SCUBE1: variants seen among roughly 807,000 people sequenced by gnomAD.
SCUBE1 encodes signal peptide, CUB domain and EGF like domain containing 1.
Under a neutral mutation model 124.4 loss-of-function variants are expected in SCUBE1, and 59 were observed. That is an observed-to-expected ratio of 0.47 (90% CI 0.38 to 0.59). The LOEUF is 0.59. Ranked by LOEUF, SCUBE1 falls within the 20% of genes least tolerant of loss-of-function variation. The pLI is 0.00. For missense variants in SCUBE1, 1,150 were observed against 1,371.2 expected, an observed-to-expected ratio of 0.84 and a Z score of 2.55; for synonymous variants, 545 against 550.9, an observed-to-expected ratio of 0.99 and a Z score of 0.15.
At position 43,238,915 on chromosome 22, in the gene SCUBE1, C is replaced by A. The variant is rs1220783353; in HGVS notation, c.767G>T (p.Cys256Phe). The change falls in exon 7 of 22, where the codon TGC becomes TTC. Residue 256 changes from cysteine to phenylalanine, a missense_variant. Cys to Phe is a radical substitution (Grantham distance 205). Coordinates refer to ENST00000360835, the MANE Select transcript of SCUBE1 (RefSeq NM_173050.5). ...TCGCACGCCAGTGGCTGTGTCCTTG[C>A]ATGTCCGGTCGCAGCCTCCGTTATT... ...AVNNGGCDRT[C>F]KDTATGVRCS... The A allele has an allele frequency of 1.9e-6, 3 of 1,613,010 alleles. No homozygotes were observed. The highest frequency in any genetic ancestry group is 2.5e-6 in the Non-Finnish European group (3 of 1,179,990).
chr22:43,210,175 C>T lies in SCUBE1; in HGVS notation c.2449G>A (p.Asp817Asn), dbSNP rs144373347. Residue 817 changes from aspartate to asparagine, a missense_variant, in exon 19 of 22, where the codon GAC becomes AAC. Asp to Asn is a conservative substitution (Grantham distance 23). Transcript: ENST00000360835. The surrounding 1 kb of genome is among the most constrained non-coding windows in gnomAD (Gnocchi z 4.5). ...ACGCATTCAGCGTTGGCTGGGTAGT[C>T]GCCAGGGTAGTTGGGGGACTCGATG... ...GYIESPNYPG[D>N]YPANAECVWH... The T allele has an allele frequency of 4.6e-3, 7,346 of 1,605,418 alleles. 30 individuals are homozygous for T. Among genetic ancestry groups the T allele is most frequent in the Non-Finnish European group, 5.5e-3 (6,517 of 1,175,958 alleles).
At chr22:43,242,748 C>T (rs1569505154) in intron 6 of SCUBE1, among the ~76,000 whole-genome samples, 1 of 152,190 alleles carries the variant, frequency 6.6e-6, no homozygotes, top group Non-Finnish European at 1.5e-5. Context: ...GTCTCTCTGT[C>T]CCCAGCCTGT....
At chr22:43,276,308 G>A (rs925075533) in intron 4 of SCUBE1, among the ~76,000 whole-genome samples, 1 of 152,208 alleles carries the variant, frequency 6.6e-6, no homozygotes, top group African/African-American at 2.4e-5. Context: ...TGAGGCAGAG[G>A]AGGAGCCAGG....
Position 43,198,249 on chromosome 22 carries a change from G to C in SCUBE1, c.*5748C>G. On this transcript the variant is annotated 3_prime_UTR_variant, in exon 22 of 22. Transcript: ENST00000360835. ...TTTCCCTTCTTCCTGTTGGGGCTTG[G>C]GGGGTGCAGACAATTCCAGGGGGCT... 3.4e-6 allele frequency: 1 copy of C among 295,978 alleles called. No homozygotes were observed. 18.3% of individuals were successfully genotyped at this position (295,978 alleles called of 1,614,324 possible). A position where few individuals can be genotyped will look rare whatever the true frequency, so the allele number is the denominator to read the frequency against.
rs1330244701 is a variant in SCUBE1 at position 43,211,523 on chromosome 22, T to C, written c.2222-440A>G. ...GGGGGGCTAGAGATGGGCAATTCTT[T>C]TTTTTTTTTTTTGAGATGGAGCTCG... On this transcript the variant is annotated intron_variant, in intron 17 of 21. Coordinates refer to ENST00000360835, the MANE Select transcript of SCUBE1 (RefSeq NM_173050.5). The surrounding 1 kb of genome is among the most constrained non-coding windows in gnomAD (Gnocchi z 4.5). 3.3e-5 allele frequency among the ~76,000 whole-genome samples: 5 copies of C among 149,658 alleles called. No individual in the cohort carries two copies. Among genetic ancestry groups the C allele is most frequent in the East Asian group, 3.9e-4 (2 of 5,146 alleles).
At position 43,261,976 on chromosome 22, in the gene SCUBE1, T is replaced by C. The variant is rs5759234; in HGVS notation, c.610+744A>G. On this transcript the variant is annotated intron_variant, in intron 5 of 21. Coordinates refer to ENST00000360835, the MANE Select transcript of SCUBE1 (RefSeq NM_173050.5). Reference sequence around the variant, plus strand: ...TCAGCCATCGTTCTACTTGGTTTCCTGGCTCCTACTCCTACTGGGGAATGG... The same window carrying C: ...TCAGCCATCGTTCTACTTGGTTTCCCGGCTCCTACTCCTACTGGGGAATGG... 0.027 allele frequency among the ~76,000 whole-genome samples: 4,079 copies of C among 152,268 alleles called. 397 individuals carry two copies. The East Asian group carries it at 0.36, about 13-fold the overall frequency.
chr22:43,281,545 C>T (rs528609839), intron 4 of SCUBE1, among the ~76,000 whole-genome samples: 2 of 123,352 alleles, frequency 1.6e-5, no homozygotes, highest in Non-Finnish European at 3.5e-5. Context: ...CTCAGTCACC[C>T]TCCTGTCACC....
chr22:43,261,316 C>A (rs988773713), intron 5 of SCUBE1, among the ~76,000 whole-genome samples: 4 of 152,216 alleles, frequency 2.6e-5, no homozygotes, highest in Non-Finnish European at 5.9e-5. Context: ...TTTGGTCCTG[C>A]CCTGGGTGAC....
At chr22:43,252,436 G>A (rs1009709573) in intron 6 of SCUBE1, among the ~76,000 whole-genome samples, 4 of 152,174 alleles carry the variant, frequency 2.6e-5, no homozygotes, top group African/African-American at 4.8e-5. Flanking sequence ...CTGAGCATCC[G>A]AGCCGCTCTC....
intron 3 of SCUBE1, among the ~76,000 whole-genome samples, chr22:43,308,218 C>T (rs1403819790): frequency 2.0e-5 from 3 of 152,186 alleles, no homozygotes; most frequent in East Asian, 3.8e-4. Context: ...TTCAGATTAA[C>T]AGCTGTAGAA....
intron 4 of SCUBE1, among the ~76,000 whole-genome samples, chr22:43,266,314 T>A (rs1367453099): frequency 6.6e-6 from 1 of 151,744 alleles, no homozygotes; most frequent in African/African-American, 2.4e-5. Flanking sequence ...TGGGGGAGCA[T>A]CACTATCACA....
intron 3 of SCUBE1, among the ~76,000 whole-genome samples, chr22:43,307,991 C>A (rs1158034316): frequency 1.3e-5 from 2 of 152,074 alleles, no homozygotes; most frequent in East Asian, 3.9e-4. Context: ...ATAAACACCC[C>A]ACAGTCCCCC....
chr22:43,270,975 T>G (rs1043901878), intron 4 of SCUBE1, among the ~76,000 whole-genome samples: 1 of 152,196 alleles, frequency 6.6e-6, no homozygotes, highest in African/African-American at 2.4e-5. Flanking sequence ...CTTCGAGCCC[T>G]GGGTGAGGGG....
intron 3 of SCUBE1, among the ~76,000 whole-genome samples, chr22:43,304,788 C>T (rs1925904875): frequency 6.6e-6 from 1 of 152,158 alleles, no homozygotes; most frequent in Admixed American, 6.5e-5. Context: ...TCCCTTCACC[C>T]CATCTCCACC....
intron 3 of SCUBE1, among the ~76,000 whole-genome samples, chr22:43,310,797 G>A (rs978302534): frequency 1.3e-5 from 2 of 152,156 alleles, no homozygotes; most frequent in African/African-American, 4.8e-5. Flanking sequence ...TAGTTTTACT[G>A]AGTCAGGATC....
intron 4 of SCUBE1, among the ~76,000 whole-genome samples, chr22:43,270,771 C>T (rs1178224315): frequency 6.6e-6 from 1 of 152,246 alleles, no homozygotes; most frequent in Admixed American, 6.5e-5. Context: ...TGCCCTTCTC[C>T]AGCTGCAGAG....
intron 2 of SCUBE1, among the ~76,000 whole-genome samples, chr22:43,321,858 A>G (rs546040469): frequency 7.2e-4 from 110 of 152,138 alleles, no homozygotes; most frequent in African/African-American, 2.6e-3. Flanking sequence ...AATTATAGGC[A>G]TAGGCCACTG....
intron 2 of SCUBE1, among the ~76,000 whole-genome samples, chr22:43,328,758 G>A (rs776164386): frequency 4.6e-5 from 7 of 152,098 alleles, no homozygotes; most frequent in Middle Eastern, 3.4e-3. Context: ...CCGAATCCCC[G>A]GGTGGACTTC....
At chr22:43,256,543 G>A (rs1409152964) in intron 6 of SCUBE1, among the ~76,000 whole-genome samples, 7 of 152,312 alleles carry the variant, frequency 4.6e-5, no homozygotes, top group Non-Finnish European at 1.0e-4. Context: ...TGAGAGGGGA[G>A]GGAAGGTGGG....
Sources: allele counts gnomAD v4.1 joint callset (sites outside exome capture counted in the v4.1 genomes callset), GRCh38; gene constraint gnomAD v4.1.1; non-coding constraint Gnocchi (gnomAD v3.1); transcripts MANE v1.5; gene names NCBI Gene and HGNC (gene_info 2026-07-23, HGNC 2026-07-21).